The following RPH3A variants were observed in gnomAD, a reference collection of about 807,000 sequenced individuals.
The protein encoded by RPH3A is rabphilin-3A.
A neutral mutation model predicts 102.2 loss-of-function variants in RPH3A; 48 were observed. That is an observed-to-expected ratio of 0.47 (90% CI 0.37 to 0.60). The LOEUF is 0.60. Among genes scored for constraint, RPH3A ranks in the 20% least tolerant of loss-of-function variants. The pLI, the probability that RPH3A is intolerant of heterozygous loss-of-function variation, is 0.00. For synonymous variants in RPH3A, 310 were observed against 324.3 expected (o/e 0.96, Z 0.47); for missense variants, 781 against 910.1 (o/e 0.86, Z 1.83).
intron 2 of RPH3A, 115 bp from the exon 3 acceptor site, chr12:112,828,186 G>C (rs2041911829): frequency 4.1e-6 from 3 of 724,536 alleles, no homozygotes; most frequent in Admixed American, 5.5e-5. Context: ...GAAGAAACTG[G>C]ATTTAGTTCT....
intron 1 of RPH3A, among the ~76,000 whole-genome samples, chr12:112,603,885 C>T (rs746830183): frequency 4.6e-5 from 7 of 152,116 alleles, no homozygotes; most frequent in African/African-American, 9.7e-5. Context: ...AGCCCCCCAG[C>T]ATACTGCCTA....
chr12:112,830,413 A>C (rs2041949665), intron 3 of RPH3A, among the ~76,000 whole-genome samples: 1 of 152,186 alleles, frequency 6.6e-6, no homozygotes, highest in African/African-American at 2.4e-5. Flanking sequence ...TATGATACTT[A>C]GTCTTTGAAA....
In RPH3A at chr12:112,580,969, G is replaced by A. The variant is rs145158018; in HGVS notation, c.-140+5650G>A. Among the ~76,000 whole-genome samples the A allele has an allele frequency of 1.9e-3, 284 of 152,278 alleles. 2 individuals are homozygous for A. Among genetic ancestry groups the A allele is most frequent in the African/African-American group, 6.5e-3 (270 of 41,556 alleles). On this transcript the variant is annotated intron_variant, in intron 1 of 21. Coordinates refer to the RPH3A transcript ENST00000543106. Reference sequence around the variant, plus strand: ...ACCGAGTCCACTGCATTCCACACTGGCTTTGCGGGGAACATTTAAATCCAA... The same window carrying A: ...ACCGAGTCCACTGCATTCCACACTGACTTTGCGGGGAACATTTAAATCCAA...
At chr12:112,678,254 A>G (rs1320208210) in intron 1 of RPH3A, among the ~76,000 whole-genome samples, 1 of 53,266 alleles carries the variant, frequency 1.9e-5, no homozygotes, top group Admixed American at 1.5e-4. Flanking sequence ...AGAAAGAAAG[A>G]AAGAAAGAAA....
rs1198502872 is a variant in RPH3A at position 112,828,289 on chromosome 12, G to A, written c.-18-12G>A. 2 of 1,589,426 alleles carry A rather than the reference G, an allele frequency of 1.3e-6. No individual in the cohort carries two copies. The highest frequency in any genetic ancestry group is 2.2e-5 in the East Asian group (1 of 44,538). On this transcript the variant is annotated splice_polypyrimidine_tract_variant and intron_variant, in intron 2 of 21. Transcript: ENST00000389385. ...GATGGGGTGATGTCCTCTCTGGATT[G>A]ATGTTTTCCAGGAGCACTAGACATC...
At chr12:112,848,017 T>A (rs1593077338) in intron 5 of RPH3A, among the ~76,000 whole-genome samples, 175 bp downstream of exon 5, 1 of 152,012 alleles carries the variant, frequency 6.6e-6, no homozygotes, top group African/African-American at 2.4e-5. Context: ...AGACGTGGGA[T>A]CTTTGTTGCA....
chr12:112,767,289 G>A (rs1457708125), intron 1 of RPH3A, among the ~76,000 whole-genome samples: 1 of 152,122 alleles, frequency 6.6e-6, no homozygotes, highest in South Asian at 2.1e-4. Context: ...GCTGTGGGGA[G>A]GGCAATGCTA....
At chr12:112,648,744 C>CAAAAAA (rs1197742131) in intron 1 of RPH3A, among the ~76,000 whole-genome samples, 1 of 59,068 alleles carries the variant, frequency 1.7e-5, no homozygotes, top group Non-Finnish European at 3.2e-5. Context: ...GACACGGTCT[C>CAAAAAA]AAAAAAAAAA....
chr12:112,763,436 G>A (rs1339935163), intron 1 of RPH3A, among the ~76,000 whole-genome samples: 1 of 152,238 alleles, frequency 6.6e-6, no homozygotes, highest in African/African-American at 2.4e-5. Flanking sequence ...ATCGATACAT[G>A]TGAGATGTAC....
intron 1 of RPH3A, chr12:112,591,483 GT>G (rs780959537): frequency 6.6e-6 from 1 of 152,242 alleles, no homozygotes; most frequent in Non-Finnish European, 1.5e-5. Flanking sequence ...AGCCATTTGA[GT>G]TGGAGACCTC....
upstream of RPH3A, among the ~76,000 whole-genome samples, chr12:112,787,093 T>C (rs1313194959): frequency 2.0e-5 from 3 of 152,142 alleles, no homozygotes; most frequent in African/African-American, 7.2e-5. Flanking sequence ...ACACCTTTCC[T>C]CTCTGACTCT....
chr12:112,870,998 G>A (rs2042699343), intron 10 of RPH3A, among the ~76,000 whole-genome samples: 1 of 152,100 alleles, frequency 6.6e-6, no homozygotes, highest in East Asian at 1.9e-4. Context: ...TCTGTTATTC[G>A]CATTTTACAG....
At chr12:112,792,384 A>G (rs551588500) in intron 2 of RPH3A, 121 bp downstream of exon 2, 4 of 152,340 alleles carry the variant, frequency 2.6e-5, no homozygotes, top group African/African-American at 9.6e-5. Context: ...TCGAGGAACG[A>G]CTATGCTTAT....
intron 1 of RPH3A, among the ~76,000 whole-genome samples, chr12:112,702,712 C>A (rs928734852): frequency 6.6e-6 from 1 of 152,232 alleles, no homozygotes; most frequent in African/African-American, 2.4e-5. Flanking sequence ...CTTTGCTAAA[C>A]TCTCTGCAAG....
rs577235507 is a variant in RPH3A, at chr12:112,763,050, G to A, written c.-139-29093G>A. Among the ~76,000 whole-genome samples the A allele has an allele frequency of 5.3e-5, 8 of 152,284 alleles. No homozygotes were observed. The South Asian group carries it at 1.2e-3, about 24-fold the overall frequency. ...CAGGTGCTCCACACAGATGGCAAACGCTTTTCATCCTCTAAGATGAAACTC... is the reference window on the plus strand; with the variant it reads ...CAGGTGCTCCACACAGATGGCAAACACTTTTCATCCTCTAAGATGAAACTC... On this transcript the variant is annotated intron_variant, in intron 1 of 21. Transcript: ENST00000543106.
At chr12:112,860,896 C>T (rs891206669) in intron 5 of RPH3A, among the ~76,000 whole-genome samples, 2 of 152,190 alleles carry the variant, frequency 1.3e-5, no homozygotes, top group Admixed American at 6.5e-5. Flanking sequence ...TGCCATCCCC[C>T]GCCTCCATGA....
intron 1 of RPH3A, among the ~76,000 whole-genome samples, chr12:112,741,070 A>G (rs1485831232): frequency 1.3e-5 from 2 of 152,150 alleles, no homozygotes; most frequent in African/African-American, 4.8e-5. Context: ...TCTTCATCTT[A>G]CTTTAAACAT....
intron 1 of RPH3A, among the ~76,000 whole-genome samples, chr12:112,748,508 A>AT (rs1379789348): frequency 6.6e-6 from 1 of 151,976 alleles, no homozygotes. Context: ...TAATTTTTAA[A>AT]TTTTTTGTAG....
chr12:112,745,340 T>TTG (rs2040737308), intron 1 of RPH3A, among the ~76,000 whole-genome samples: 1 of 152,212 alleles, frequency 6.6e-6, no homozygotes, highest in South Asian at 2.1e-4. Context: ...GTTTCCCCCT[T>TTG]TGTAATGAAT....
Sources: allele counts gnomAD v4.1 joint callset (sites outside exome capture counted in the v4.1 genomes callset), GRCh38; gene constraint gnomAD v4.1.1; transcripts MANE v1.5; gene names NCBI Gene and HGNC (gene_info 2026-07-23, HGNC 2026-07-21).